Variants in GSDMD observed in about 807,000 individuals in gnomAD.
GSDMD encodes gasdermin-D.
GSDMD carries 46 observed loss-of-function variants against 46.7 expected under a neutral mutation model. That is an observed-to-expected ratio of 0.99 (90% CI 0.78 to 1.26). The LOEUF (loss-of-function observed/expected upper bound fraction) is 1.26. GSDMD is among the 50% of genes most tolerant of loss of function. The pLI, the probability that GSDMD is intolerant of heterozygous loss-of-function variation, is 0.00. For synonymous variants in GSDMD, 307 were observed against 283.1 expected, an observed-to-expected ratio of 1.08 and a Z score of -0.85; for missense variants, 649 against 638.8, an observed-to-expected ratio of 1.02 and a Z score of -0.17.
chr8:143,558,406 G>T lies in GSDMD; in HGVS notation c.-50G>T. 6.6e-7 allele frequency: 1 copy of T among 1,512,178 alleles called. No individual in the cohort carries two copies. 93.7% of individuals were successfully genotyped at this position (1,512,178 alleles called of 1,614,324 possible). On this transcript the variant is annotated 5_prime_UTR_variant, in exon 1 of 11. Coordinates refer to ENST00000262580, the MANE Select transcript of GSDMD (RefSeq NM_024736.7). ...CTGCTCGCCGGACGGCTCCCAGGGA[G>T]AGCAGACGCGCCAGACGCGCCACCC...
At chr8:143,560,392 T>G (rs1464328496) in intron 3 of GSDMD, 2 of 634,976 alleles carry the variant, frequency 3.1e-6, no homozygotes, top group Non-Finnish European at 5.6e-6. Flanking sequence ...GGGCCGCACC[T>G]CGAGTCTGGA....
At chr8:143,558,709 C>T in intron 1 of GSDMD, 1 of 585,746 alleles carries the variant, frequency 1.7e-6, no homozygotes, top group Non-Finnish European at 3.0e-6. Context: ...GTTCCCGCCC[C>T]CAGCTGCCTT....
At chr8:143,558,220 G>T (rs192283757), upstream of GSDMD, 1,732 of 1,183,218 alleles carry the variant, frequency 1.5e-3, 13 homozygotes, top group African/African-American at 0.013. Context: ...CCAAGCCAAG[G>T]TTCCTCCGGA....
In GSDMD at chr8:143,562,314, G is replaced by A. The variant is rs766860336; in HGVS notation, c.1102G>A (p.Ala368Thr). 171 of 1,520,936 alleles carry A rather than the reference G, an allele frequency of 1.1e-4. 9 individuals carry two copies. In the South Asian group the frequency reaches 1.8e-3, roughly 16 times the overall value. 94.2% of individuals were successfully genotyped at this position (1,520,936 alleles called of 1,614,324 possible). A position where few individuals can be genotyped will look rare whatever the true frequency, so the allele number is the denominator to read the frequency against. Reference sequence around the variant, plus strand: ...CTCCGGAATGCTGGTGCCGGAACTCGCTATCCCTGTTGTCTACCTGCTGGG... The same window carrying A: ...CTCCGGAATGCTGGTGCCGGAACTCACTATCCCTGTTGTCTACCTGCTGGG... ...LSSGMLVPEL[A>T]IPVVYLLGAL... Residue 368 changes from alanine to threonine, a missense_variant, in exon 9 of 11, where the codon GCT (alanine) becomes ACT (threonine). Physicochemically the swap from Ala to Thr is moderately conservative, Grantham distance 58. Transcript: ENST00000262580.
intron 10 of GSDMD, 37 bp downstream of exon 10, chr8:143,562,558 T>C (rs1437216320): frequency 6.2e-7 from 1 of 1,601,158 alleles, no homozygotes; most frequent in Admixed American, 1.7e-5. Context: ...GAGGATGGGC[T>C]GAGCCAGTGG....
rs1367341339 is a variant in GSDMD at position 143,562,108 on chromosome 8, GC to G, written c.976del (p.Leu326CysfsTer53). On this transcript the variant is annotated frameshift_variant, in exon 8 of 11. Coordinates refer to ENST00000262580, the MANE Select transcript of GSDMD (RefSeq NM_024736.7). LOFTEE classifies it high-confidence loss of function. ...GLEGVLRDQL[A>X]LRALEEALEQ... ...GGAGGGGGTGCTGCGGGACCAGCTG[GC>G]CCTGCGAGCCTTGGAGGAGGCGGTG... 7 of 1,597,324 alleles carry G rather than the reference GC, an allele frequency of 4.4e-6. No homozygotes were observed. Among genetic ancestry groups the G allele is most frequent in the Non-Finnish European group, 5.9e-6 (7 of 1,177,958 alleles).
chr8:143,553,673 C>G (rs58722757), upstream of GSDMD: 2,711 of 147,290 alleles, frequency 0.018, 193 homozygotes, highest in African/African-American at 0.062. Flanking sequence ...CTCTGCCCTC[C>G]TTCGAGCACT....
At chr8:143,559,145 A>T in intron 1 of GSDMD, 187 bp from the exon 2 acceptor site, 1 of 603,874 alleles carries the variant, frequency 1.7e-6, no homozygotes, top group Admixed American at 2.9e-5. Flanking sequence ...AGAACACTGT[A>T]ATTCTGTGTT....
intron 3 of GSDMD, chr8:143,560,328 C>T (rs1481660172): frequency 1.5e-6 from 1 of 684,384 alleles, no homozygotes; most frequent in African/African-American, 1.8e-5. Flanking sequence ...CCGGACTGAG[C>T]CCCAGGCTGC....
chr8:143,561,492 T>C, intron 6 of GSDMD, 69 bp downstream of exon 6: 3 of 1,470,106 alleles, frequency 2.0e-6, no homozygotes, highest in Non-Finnish European at 2.8e-6. Flanking sequence ...AGTTGAGGCC[T>C]TCTCCTCATG....
upstream of GSDMD, among the ~76,000 whole-genome samples, chr8:143,557,332 TATGGTGAAGGATGCTGCC>T (rs1823320589): frequency 2.3e-5 from 1 of 43,498 alleles, no homozygotes; most frequent in Non-Finnish European, 5.5e-5. Flanking sequence ...ATGCTGCCGC[TATGGTGAAGGATGCTGCC>T]GCTTTGGCGA....
Position 143,562,856 on chromosome 8 carries a change from CT to C in GSDMD, c.1408del (p.Tyr470ThrfsTer10), listed in dbSNP as rs1370602640. On this transcript the variant is annotated frameshift_variant, in exon 11 of 11. Coordinates refer to ENST00000262580, the MANE Select transcript of GSDMD (RefSeq NM_024736.7). LOFTEE classifies it low-confidence loss of function (END_TRUNC). Reference protein sequence around the residue: ...PQAQGRMCALYASLALLSGLS... With the variant: ...PQAQGRMCALXASLALLSGLS... ...AGGCCCAGGGCCGCATGTGTGCACTCTACGCCTCCCTGGCACTGCTATCAGG... is the reference window on the plus strand; with the variant it reads ...AGGCCCAGGGCCGCATGTGTGCACTCACGCCTCCCTGGCACTGCTATCAGG... 1.2e-6 allele frequency: 2 copies of C among 1,612,410 alleles called. No homozygotes were observed. Among genetic ancestry groups the C allele is most frequent in the East Asian group, 4.5e-5 (2 of 44,872 alleles).
chr8:143,554,225 C>T (rs555477811), upstream of GSDMD, among the ~76,000 whole-genome samples: 72 of 152,368 alleles, frequency 4.7e-4, no homozygotes, highest in African/African-American at 1.6e-3. Context: ...ACACACACAG[C>T]GACATGTGCA....
chr8:143,562,344 C>T lies in GSDMD; in HGVS notation c.1132C>T (p.Leu378=). The change falls in exon 9 of 11, where the codon CTG becomes TTG. Residue 378 remains leucine, a synonymous_variant. Transcript: ENST00000262580. The part of the protein sequence containing the change: ...AIPVVYLLGA[L]TMLSETQHKL... ...CCCTGTTGTCTACCTGCTGGGGGCACTGACCAGTGAGCGGCCGCTGGGGGC... is the reference window on the plus strand; with the variant it reads ...CCCTGTTGTCTACCTGCTGGGGGCATTGACCAGTGAGCGGCCGCTGGGGGC... 2 of 1,367,070 alleles carry T rather than the reference C, an allele frequency of 1.5e-6. No homozygotes were observed. Among genetic ancestry groups the T allele is most frequent in the Non-Finnish European group, 1.9e-6 (2 of 1,033,290 alleles). The allele number at this position is 1,367,070 out of a possible 1,614,324, so 84.7% of individuals were successfully genotyped here. A position where few individuals can be genotyped will look rare whatever the true frequency, so the allele number is the denominator to read the frequency against.
Position 143,559,545 on chromosome 8 carries a change from G to GGAA in GSDMD, c.211_213dup (p.Glu71dup). ...AGGACATCCTGGAGCCGGATGCCGC[G>GGAA]GAACCAGGTGCCTGATGTGGTGCTG... On this transcript the variant is annotated inframe_insertion, in exon 2 of 11. Coordinates refer to ENST00000262580, the MANE Select transcript of GSDMD (RefSeq NM_024736.7). 6.2e-7 allele frequency: 1 copy of GGAA among 1,612,070 alleles called. No homozygotes were observed. Among genetic ancestry groups the GGAA allele is most frequent in the Non-Finnish European group, 8.5e-7 (1 of 1,179,492 alleles).
At chr8:143,559,284 T>TC in intron 1 of GSDMD, 48 bp from the exon 2 acceptor site, 1 of 222,476 alleles carries the variant, frequency 4.5e-6, no homozygotes, top group Non-Finnish European at 8.7e-6. Context: ...TCCCACTCCC[T>TC]CCCGCCCGCC....
chr8:143,560,386 C>T (rs961938486), intron 3 of GSDMD: 6 of 635,590 alleles, frequency 9.4e-6, no homozygotes, highest in East Asian at 2.7e-5. Flanking sequence ...GTGAGGGGGC[C>T]GCACCTCGAG....
intron 1 of GSDMD, 39 bp from the exon 2 acceptor site, chr8:143,559,293 C>G: frequency 2.3e-6 from 2 of 869,312 alleles, no homozygotes; most frequent in Non-Finnish European, 1.9e-6. Flanking sequence ...CTCCCGCCCG[C>G]CCCGAGAGCA....
upstream of GSDMD, chr8:143,555,922 A>T (rs1418078612): frequency 6.6e-6 from 1 of 152,256 alleles, no homozygotes; most frequent in Non-Finnish European, 1.5e-5. Context: ...AAATAATTTT[A>T]AAAACTTACA....
Sources: gnomAD v4.1 joint callset for allele counts (sites outside exome capture counted in the v4.1 genomes callset) on GRCh38, gnomAD v4.1.1 for gene constraint, MANE v1.5 for transcripts, NCBI Gene and HGNC (gene_info 2026-07-23, HGNC 2026-07-21) for gene names.